Variants in RCAN2 observed in about 807,000 individuals in gnomAD.
RCAN2 encodes calcipressin-2.
Under a neutral mutation model 23.6 loss-of-function variants are expected in RCAN2, and 9 were observed. The observed-to-expected ratio is 0.38, with a 90% CI of 0.23 to 0.67. The LOEUF (loss-of-function observed/expected upper bound fraction) is 0.67. Ranked by LOEUF, RCAN2 falls within the 30% of genes least tolerant of loss-of-function variation. The probability of loss-of-function intolerance (pLI) is 0.51; values close to 1 mark genes in which losing one functional copy is unlikely to be tolerated. For missense variants in RCAN2, 273 were observed against 302.3 expected (o/e 0.90, Z 0.72); for synonymous variants, 109 against 115.7 (o/e 0.94, Z 0.37).
intron 2 of RCAN2, among the ~76,000 whole-genome samples, chr6:46,354,178 T>C (rs570023911): frequency 6.6e-6 from 1 of 151,568 alleles, no homozygotes; most frequent in Non-Finnish European, 1.5e-5. Flanking sequence ...CTTGCACACA[T>C]GTACATGTGT....
At chr6:46,358,440 A>C (rs1764906281) in intron 2 of RCAN2, among the ~76,000 whole-genome samples, 1 of 152,164 alleles carries the variant, frequency 6.6e-6, no homozygotes, top group South Asian at 2.1e-4. Context: ...AGAGTCTCCC[A>C]TCCCTACTCT....
At chr6:46,242,250 C>T (rs1043479594) in intron 4 of RCAN2, among the ~76,000 whole-genome samples, 2 of 152,200 alleles carry the variant, frequency 1.3e-5, no homozygotes, top group Non-Finnish European at 2.9e-5. Flanking sequence ...GGACTTGTCC[C>T]TCTCTGAGAG....
At chr6:46,432,652 T>C (rs994715337) in intron 2 of RCAN2, among the ~76,000 whole-genome samples, 2 of 152,174 alleles carry the variant, frequency 1.3e-5, no homozygotes, top group African/African-American at 4.8e-5. Context: ...GGCCAACGTG[T>C]TCACTGACTG....
chr6:46,228,727 C>T (rs1314288251), intron 4 of RCAN2, among the ~76,000 whole-genome samples: 1 of 152,130 alleles, frequency 6.6e-6, no homozygotes, highest in Non-Finnish European at 1.5e-5. Context: ...GACTCTTTAT[C>T]CAATTTGCCA....
At chr6:46,441,603 T>C (rs1767547972) in intron 2 of RCAN2, among the ~76,000 whole-genome samples, 1 of 152,202 alleles carries the variant, frequency 6.6e-6, no homozygotes, top group Non-Finnish European at 1.5e-5. Flanking sequence ...ATATGGTTGA[T>C]TAAAAAACCT....
intron 2 of RCAN2, among the ~76,000 whole-genome samples, chr6:46,356,609 G>A (rs530773007): frequency 1.8e-4 from 27 of 152,320 alleles, no homozygotes; most frequent in African/African-American, 4.8e-4. Flanking sequence ...GGATGTGAAC[G>A]TGCACAGGTT....
intron 2 of RCAN2, among the ~76,000 whole-genome samples, chr6:46,316,729 T>C (rs561265124): frequency 7.5e-4 from 115 of 152,346 alleles, no homozygotes; most frequent in African/African-American, 2.6e-3. Flanking sequence ...GCTCAATACA[T>C]TGTTGCTATT....
At chr6:46,446,431 T>C (rs1308124417) in intron 2 of RCAN2, among the ~76,000 whole-genome samples, 1 of 152,096 alleles carries the variant, frequency 6.6e-6, no homozygotes, top group African/African-American at 2.4e-5. Flanking sequence ...CCAGACCTAT[T>C]TTACAAGAAA....
At chr6:46,347,480 C>T (rs1167162762) in intron 2 of RCAN2, among the ~76,000 whole-genome samples, 4 of 152,166 alleles carry the variant, frequency 2.6e-5, no homozygotes, top group Non-Finnish European at 1.5e-5. Flanking sequence ...TTAATAACTA[C>T]TCTCAGGGTT....
At chr6:46,381,786 G>C (rs936778162) in intron 2 of RCAN2, among the ~76,000 whole-genome samples, 3 of 152,078 alleles carry the variant, frequency 2.0e-5, no homozygotes, top group Non-Finnish European at 4.4e-5. Flanking sequence ...GCATAGAGCT[G>C]TCCTACTCAA....
chr6:46,317,817 G>A (rs146444256), intron 2 of RCAN2, among the ~76,000 whole-genome samples: 2 of 152,134 alleles, frequency 1.3e-5, no homozygotes, highest in African/African-American at 4.8e-5. Context: ...GAGAGATTTC[G>A]ATAGTGGAAA....
chr6:46,299,189 C>T (rs570420417), intron 2 of RCAN2, among the ~76,000 whole-genome samples: 95 of 152,010 alleles, frequency 6.2e-4, no homozygotes, highest in Non-Finnish European at 7.2e-4. Context: ...AATTTACTTA[C>T]GTAACAAACC....
chr6:46,224,905 A>G lies in RCAN2; in HGVS notation c.572-1604T>C, dbSNP rs180753188. The stretch of plus-strand genomic sequence containing the variant: ...CTACACCTGTTAACTCGTCATTTAC[A>G]TATCTCCTAATGCTATCCCTCCCCC... On this transcript the variant is annotated intron_variant, in intron 4 of 4. Coordinates refer to ENST00000371374, the MANE Select transcript of RCAN2 (RefSeq NM_001251974.2). Among the ~76,000 whole-genome samples, 70 of 151,992 alleles carry G rather than the reference A, an allele frequency of 4.6e-4. No individual in the cohort carries two copies. In the East Asian group the frequency reaches 9.9e-3, roughly 21 times the overall value.
intron 4 of RCAN2, among the ~76,000 whole-genome samples, chr6:46,235,041 TTCTC>T (rs759862234): frequency 6.6e-6 from 1 of 152,114 alleles, no homozygotes; most frequent in African/African-American, 2.4e-5. Flanking sequence ...GCCACTGAGT[TTCTC>T]TCTCATGCCA....
intron 4 of RCAN2, among the ~76,000 whole-genome samples, chr6:46,225,066 A>G (rs1668706594): frequency 6.6e-6 from 1 of 151,964 alleles, no homozygotes; most frequent in South Asian, 2.1e-4. Context: ...GTTTGCTGAG[A>G]ATGATGGTTT....
intron 2 of RCAN2, among the ~76,000 whole-genome samples, chr6:46,418,693 G>GTA (rs1402938888): frequency 1.3e-4 from 13 of 99,648 alleles, no homozygotes; most frequent in African/African-American, 4.3e-4. Context: ...ATATGTGTGT[G>GTA]TGTATATATA....
At chr6:46,225,741 C>T (rs1247975372) in intron 4 of RCAN2, among the ~76,000 whole-genome samples, 2 of 152,066 alleles carry the variant, frequency 1.3e-5, no homozygotes, top group African/African-American at 2.4e-5. Flanking sequence ...AGGTTGCCTG[C>T]TCACTCTGAT....
chr6:46,388,235 T>A (rs1765823404), intron 2 of RCAN2, among the ~76,000 whole-genome samples: 1 of 151,770 alleles, frequency 6.6e-6, no homozygotes, highest in South Asian at 2.1e-4. Flanking sequence ...ACATGTACCC[T>A]AGAACTTGAA....
chr6:46,299,629 C>A (rs1473352897), intron 2 of RCAN2, among the ~76,000 whole-genome samples: 1 of 151,966 alleles, frequency 6.6e-6, no homozygotes, highest in Non-Finnish European at 1.5e-5. Flanking sequence ...CTGTTATTTT[C>A]TCCTAAAATA....
Sources: allele counts gnomAD v4.1 joint callset (sites outside exome capture counted in the v4.1 genomes callset), GRCh38; gene constraint gnomAD v4.1.1; transcripts MANE v1.5; gene names NCBI Gene and HGNC (gene_info 2026-07-23, HGNC 2026-07-21).